The following TRIM37 variants were observed in gnomAD, a reference collection of about 807,000 sequenced individuals.
TRIM37 encodes tripartite motif containing 37, also known as E3 ubiquitin-protein ligase TRIM37.
TRIM37 carries 80 observed loss-of-function variants against 129.8 expected under a neutral mutation model. That is an observed-to-expected ratio of 0.62 (90% CI 0.51 to 0.74). The LOEUF (loss-of-function observed/expected upper bound fraction) is 0.74. TRIM37 is among the 30% of genes least tolerant of loss of function. The pLI is 0.00. For missense variants in TRIM37, 1,054 were observed against 1,176.5 expected (o/e 0.90, Z 1.52); for synonymous variants, 389 against 387.1 (o/e 1.00, Z -0.06).
At chr17:59,036,986 A>G (rs1363828534) in intron 17 of TRIM37, among the ~76,000 whole-genome samples, 2 of 151,808 alleles carry the variant, frequency 1.3e-5, no homozygotes, top group Non-Finnish European at 1.5e-5. Context: ...ATGGTGGTGC[A>G]TGCCTGTAGT....
At chr17:59,022,224 T>C (rs1042727848) in intron 19 of TRIM37, among the ~76,000 whole-genome samples, 4 of 152,162 alleles carry the variant, frequency 2.6e-5, no homozygotes, top group Non-Finnish European at 5.9e-5. Context: ...AAGTAAAATA[T>C]TAGCAAACTG....
chr17:59,088,081 T>C, intron 4 of TRIM37: 1 of 604,072 alleles, frequency 1.7e-6, no homozygotes, highest in South Asian at 2.0e-5. Context: ...GAGAGGTATC[T>C]GTGTATACAT....
intron 19 of TRIM37, among the ~76,000 whole-genome samples, chr17:59,018,182 G>C (rs544215025): frequency 1.2e-3 from 182 of 152,212 alleles, no homozygotes; most frequent in African/African-American, 4.2e-3. Flanking sequence ...AGGGAAAAAA[G>C]GGACTATATG....
chr17:58,979,417 T>G (rs993648997), downstream of TRIM37, among the ~76,000 whole-genome samples: 2 of 152,164 alleles, frequency 1.3e-5, no homozygotes, highest in African/African-American at 4.8e-5. Context: ...TAGACTTGAT[T>G]TATAAAATCT....
chr17:59,009,438 CTTTTCTT>C (rs1422177529), intron 22 of TRIM37, among the ~76,000 whole-genome samples: 5 of 119,802 alleles, frequency 4.2e-5, no homozygotes, highest in Non-Finnish European at 9.0e-5. Context: ...CTTCCAATTT[CTTTTCTT>C]TTTTTTTTTT....
the TRIM37 span, among the ~76,000 whole-genome samples, chr17:58,974,896 A>G: frequency 1.3e-5 from 2 of 152,098 alleles, no homozygotes; most frequent in Admixed American, 1.3e-4. Flanking sequence ...GTCTACAAAT[A>G]CCTCCTGAAA....
At chr17:58,985,408 G>A (rs1287265828) in intron 24 of TRIM37, among the ~76,000 whole-genome samples, 1 of 152,190 alleles carries the variant, frequency 6.6e-6, no homozygotes, top group East Asian at 1.9e-4. Context: ...CGAGGAGAGG[G>A]AGTGGTGTTA....
At chr17:59,013,950 T>C (rs1382783085) in intron 21 of TRIM37, among the ~76,000 whole-genome samples, 1 of 151,380 alleles carries the variant, frequency 6.6e-6, no homozygotes, top group African/African-American at 2.4e-5. Flanking sequence ...AAAATGAGGA[T>C]CAAGCTGCAC....
intron 19 of TRIM37, among the ~76,000 whole-genome samples, chr17:59,025,714 A>T (rs986794858): frequency 4.6e-5 from 7 of 152,252 alleles, no homozygotes; most frequent in African/African-American, 1.4e-4. Flanking sequence ...AAAAATTCGA[A>T]TATTAAGTGG....
intron 12 of TRIM37, among the ~76,000 whole-genome samples, chr17:59,057,505 G>A (rs949603532): frequency 2.0e-5 from 3 of 152,106 alleles, no homozygotes; most frequent in Admixed American, 2.0e-4. Context: ...ACCACACCCG[G>A]CCAGAAAAAG....
chr17:59,018,277 C>G (rs978540998), intron 19 of TRIM37, among the ~76,000 whole-genome samples: 10 of 151,902 alleles, frequency 6.6e-5, no homozygotes, highest in Admixed American at 6.6e-4. Flanking sequence ...GGGCCCTGCC[C>G]TTGAATTCAG....
At chr17:59,104,729 C>G (rs990656000) in intron 1 of TRIM37, among the ~76,000 whole-genome samples, 1 of 152,054 alleles carries the variant, frequency 6.6e-6, no homozygotes, top group African/African-American at 2.4e-5. Flanking sequence ...GGCAGTTACA[C>G]ATAGATTACA....
chr17:59,102,139 A>G (rs1446243447), intron 2 of TRIM37, among the ~76,000 whole-genome samples: 1 of 152,212 alleles, frequency 6.6e-6, no homozygotes, highest in Non-Finnish European at 1.5e-5. Flanking sequence ...TTTAGGAGCC[A>G]TACACACAGA....
chr17:59,038,940 C>T (rs1037593487), intron 17 of TRIM37, among the ~76,000 whole-genome samples: 29 of 152,144 alleles, frequency 1.9e-4, no homozygotes, highest in African/African-American at 6.5e-4. Context: ...GTTCCACAGC[C>T]GTAACTACAG....
At chr17:59,068,806 T>C (rs1283613322) in intron 9 of TRIM37, among the ~76,000 whole-genome samples, 1 of 152,164 alleles carries the variant, frequency 6.6e-6, no homozygotes, top group East Asian at 1.9e-4. Flanking sequence ...GTGGCATCTA[T>C]AACGAGTAAG....
intron 1 of TRIM37, among the ~76,000 whole-genome samples, chr17:59,106,196 C>A (rs2045972272): frequency 6.6e-6 from 1 of 152,194 alleles, no homozygotes; most frequent in Non-Finnish European, 1.5e-5. Flanking sequence ...GGGATGAGTA[C>A]CTGTGCCAAG....
intron 20 of TRIM37, among the ~76,000 whole-genome samples, chr17:59,016,638 A>G (rs956457274): frequency 8.0e-6 from 1 of 125,776 alleles, no homozygotes; most frequent in Admixed American, 8.8e-5. Context: ...AAAGCCAGGT[A>G]TGGCTGCATG....
chr17:59,081,080 T>G lies in TRIM37; in HGVS notation c.492+17A>C, dbSNP rs1171552491. ...CAGATTAAAAACAAAATAATTATAT[T>G]TTAGTAGTAGTCTTACCACTTCTTG... On this transcript the variant is annotated intron_variant, in intron 6 of 23. Coordinates refer to ENST00000262294, the MANE Select transcript of TRIM37 (RefSeq NM_015294.6). 1.9e-6 allele frequency: 3 copies of G among 1,557,178 alleles called. No homozygotes were observed. The African/African-American group carries it at 4.1e-5, about 21-fold the overall frequency.
intron 16 of TRIM37, among the ~76,000 whole-genome samples, chr17:59,042,273 G>A (rs1203199662): frequency 3.3e-5 from 5 of 149,996 alleles, no homozygotes; most frequent in South Asian, 2.1e-4. Flanking sequence ...CTACTCAGGA[G>A]GCTGAATCAG....
Sources: gnomAD v4.1 joint callset for allele counts (sites outside exome capture counted in the v4.1 genomes callset) on GRCh38, gnomAD v4.1.1 for gene constraint, MANE v1.5 for transcripts, NCBI Gene and HGNC (gene_info 2026-07-23, HGNC 2026-07-21) for gene names.